Variants in TUBA4A observed in about 807,000 individuals in gnomAD.
The protein encoded by TUBA4A is tubulin alpha 4a.
A neutral mutation model predicts 34.3 loss-of-function variants in TUBA4A; 23 were observed. The ratio of observed to expected loss-of-function variants is 0.67; its 90% CI spans 0.48 to 0.95. The LOEUF (loss-of-function observed/expected upper bound fraction) is 0.95, where lower values mean the gene tolerates loss of function less well. TUBA4A is among the 40% of genes least tolerant of loss of function. TUBA4A has a pLI of 0.00. For missense variants in TUBA4A, 279 were observed against 599.0 expected (o/e 0.47, Z 5.58); for synonymous variants, 216 against 230.5 (o/e 0.94, Z 0.57).
Position 219,252,343 on chromosome 2 carries a change from G to T in TUBA4A, c.4-113C>A. Reference sequence around the variant, plus strand: ...AGCTAGGATGACTCAGTTGGCAAGAGTGGAGGGTTGGGGCTGGGCAGAGGT... The same window carrying T: ...AGCTAGGATGACTCAGTTGGCAAGATTGGAGGGTTGGGGCTGGGCAGAGGT... On this transcript the variant is annotated intron_variant, in intron 1 of 3. Transcript: ENST00000248437. This position sits in a 1 kb window ranked among gnomAD's most constrained non-coding sequence, Gnocchi z 4.1. The T allele has an allele frequency of 1.9e-6, 2 of 1,067,672 alleles. No homozygotes were observed. Among genetic ancestry groups the T allele is most frequent in the Non-Finnish European group, 2.7e-6 (2 of 733,146 alleles). The allele number at this position is 1,067,672 out of a possible 1,614,324, so 66.1% of individuals were successfully genotyped here. A position where few individuals can be genotyped will look rare whatever the true frequency, so the allele number is the denominator to read the frequency against.
rs945158333 is a variant in TUBA4A, at chr2:219,253,357, G to GGC, written c.3+498_3+499insGC. ...TCAGACGCGGGGTGCTGAGTCACGG[G>GGC]GGGGGGGTGGTTCTGTGGATAGTTG... On this transcript the variant is annotated intron_variant, in intron 1 of 3. Transcript: ENST00000248437. 56 of 1,515,662 alleles carry GGC rather than the reference G, an allele frequency of 3.7e-5. No individual in the cohort carries two copies. The Admixed American group carries it at 3.9e-4, about 11-fold the overall frequency. The allele number at this position is 1,515,662 out of a possible 1,614,324, so 93.9% of individuals were successfully genotyped here.
chr2:219,252,983 G>T lies in TUBA4A; in HGVS notation c.4-753C>A. 2 of 534,422 alleles carry T rather than the reference G, an allele frequency of 3.7e-6. No homozygotes were observed. Among genetic ancestry groups the T allele is most frequent in the Non-Finnish European group, 3.6e-6 (1 of 280,266 alleles). 33.1% of individuals were successfully genotyped at this position (534,422 alleles called of 1,614,324 possible). On this transcript the variant is annotated intron_variant, in intron 1 of 3. Transcript: ENST00000248437. The surrounding 1 kb of genome is among the most constrained non-coding windows in gnomAD (Gnocchi z 4.1). ...TCCCACACCGAAATGGCGGGGTGAC[G>T]GTTTCCAAATACCCAGAAAGGAAGT...
chr2:219,253,153 C>G, intron 1 of TUBA4A: 1 of 1,523,546 alleles, frequency 6.6e-7, no homozygotes, highest in Non-Finnish European at 8.9e-7. Flanking sequence ...TTTCGGCCCC[C>G]GCTCCTGGGC....
At chr2:219,253,501 C>T in intron 1 of TUBA4A, 1 of 1,158,120 alleles carries the variant, frequency 8.6e-7, no homozygotes, top group Non-Finnish European at 1.2e-6. Flanking sequence ...TGTAAGAGGG[C>T]AGCCAAACCC....
chr2:219,251,343 A>C lies in TUBA4A; in HGVS notation c.376-20T>G. The C allele has an allele frequency of 6.3e-7, 1 of 1,584,486 alleles. No homozygotes were observed. Among genetic ancestry groups the C allele is most frequent in the Non-Finnish European group, 8.6e-7 (1 of 1,163,434 alleles). ...GTCAGACTGAAAGGCAAGAACGAGA[A>C]AGAACAGTTTAGGTAGGGGAGGGGC... On this transcript the variant is annotated intron_variant, in intron 3 of 3. Coordinates refer to ENST00000248437, the MANE Select transcript of TUBA4A (RefSeq NM_006000.3). The surrounding 1 kb of genome is among the most constrained non-coding windows in gnomAD (Gnocchi z 6.1).
chr2:219,251,669 G>T lies in TUBA4A; in HGVS notation c.271C>A (p.Gln91Lys), dbSNP rs1176279500. 3.1e-6 allele frequency: 5 copies of T among 1,614,136 alleles called. No individual in the cohort carries two copies. Among genetic ancestry groups the T allele is most frequent in the Non-Finnish European group, 4.2e-6 (5 of 1,179,988 alleles). Residue 91 changes from glutamine (Q) to lysine (K), a missense_variant, in exon 3 of 4, where the codon CAG (glutamine) becomes AAG (lysine). By Grantham distance (53) the Gln-to-Lys change is moderately conservative. Transcript: ENST00000248437. The surrounding 1 kb of genome is among the most constrained non-coding windows in gnomAD (Gnocchi z 6.1). ...GPYRQLFHPE[Q>K]LITGKEDAAN... is the part of the protein sequence containing the mutation. ...GCATCCTCTTTCCCAGTGATGAGCTGCTCTGGGTGGAAGAGCTGTCGGTAT... is the reference window on the plus strand; with the variant it reads ...GCATCCTCTTTCCCAGTGATGAGCTTCTCTGGGTGGAAGAGCTGTCGGTAT...
In TUBA4A at chr2:219,250,151, C is replaced by T; in HGVS notation, c.*201G>A. On this transcript the variant is annotated 3_prime_UTR_variant, in exon 4 of 4. Transcript: ENST00000248437. The surrounding 1 kb of genome is among the most constrained non-coding windows in gnomAD (Gnocchi z 8.4). ...AGTCCCTGGGGTTATGCTTCCTGGG[C>T]CTGGCAAGAACCCCTTTGCAGGTCT... 1.3e-6 allele frequency: 1 copy of T among 764,034 alleles called. No individual in the cohort carries two copies. Among genetic ancestry groups the T allele is most frequent in the Non-Finnish European group, 2.2e-6 (1 of 465,056 alleles). The allele number at this position is 764,034 out of a possible 1,614,324, so 47.3% of individuals were successfully genotyped here. A position where few individuals can be genotyped will look rare whatever the true frequency, so the allele number is the denominator to read the frequency against.
At position 219,250,112 on chromosome 2, in the gene TUBA4A, G is replaced by T; in HGVS notation, c.*240C>A. On this transcript the variant is annotated 3_prime_UTR_variant, in exon 4 of 4. Coordinates refer to ENST00000248437, the MANE Select transcript of TUBA4A (RefSeq NM_006000.3). The surrounding 1 kb of genome is among the most constrained non-coding windows in gnomAD (Gnocchi z 8.4). Reference sequence around the variant, plus strand: ...TTCCTCCCTATACTGAGTAACCCTAGGACTTCAATTTAAAGTCCCTGGGGT... The same window carrying T: ...TTCCTCCCTATACTGAGTAACCCTATGACTTCAATTTAAAGTCCCTGGGGT... 1.7e-6 allele frequency: 1 copy of T among 594,894 alleles called. No homozygotes were observed. The highest frequency in any genetic ancestry group is 2.9e-6 in the Non-Finnish European group (1 of 339,486). The allele number at this position is 594,894 out of a possible 1,614,324, so 36.9% of individuals were successfully genotyped here. A position where few individuals can be genotyped will look rare whatever the true frequency, so the allele number is the denominator to read the frequency against.
At position 219,252,229 on chromosome 2, in the gene TUBA4A, C is replaced by T; in HGVS notation, c.5G>A (p.Arg2His). ...CCCCACGTGGACTGAGATGCATTCA[C>T]GCTGAGGGATAGAGAGAGGGGACAC... M[R>H]ECISVHVGQA... The change falls in exon 2 of 4, where the codon CGT becomes CAT. Residue 2 changes from arginine to histidine, a missense_variant and splice_region_variant. Physicochemically the swap from Arg to His is conservative, Grantham distance 29 (BLOSUM62 0). This residue lies in a region of TUBA4A where 98 missense variants were observed against 171.1 expected (regional missense o/e 0.57). Transcript: ENST00000248437. This position sits in a 1 kb window ranked among gnomAD's most constrained non-coding sequence, Gnocchi z 4.1. The T allele has an allele frequency of 1.9e-6, 3 of 1,613,274 alleles. No homozygotes were observed. Among genetic ancestry groups the T allele is most frequent in the Non-Finnish European group, 1.7e-6 (2 of 1,179,292 alleles).
At position 219,252,243 on chromosome 2, in the gene TUBA4A, G is replaced by A. The variant is rs1179102115; in HGVS notation, c.4-13C>T. ...AGATGCATTCACGCTGAGGGATAGA[G>A]AGAGGGGACACAGCATGAGCCCCAC... On this transcript the variant is annotated splice_polypyrimidine_tract_variant and intron_variant, in intron 1 of 3. Coordinates refer to ENST00000248437, the MANE Select transcript of TUBA4A (RefSeq NM_006000.3). The surrounding 1 kb of genome is among the most constrained non-coding windows in gnomAD (Gnocchi z 4.1). 6.2e-7 allele frequency: 1 copy of A among 1,607,992 alleles called. No homozygotes were observed. Among genetic ancestry groups the A allele is most frequent in the East Asian group, 2.2e-5 (1 of 44,694 alleles).
In TUBA4A at chr2:219,251,394, A is replaced by G. The variant is rs539970255; in HGVS notation, c.376-71T>C. On this transcript the variant is annotated intron_variant, in intron 3 of 3. Transcript: ENST00000248437. This position sits in a 1 kb window ranked among gnomAD's most constrained non-coding sequence, Gnocchi z 6.1. Reference sequence around the variant, plus strand: ...CTGAGGGACTCTATCACCTGGCTCCATAAAGCGTAAGATACATCAGCAGTC... The same window carrying G: ...CTGAGGGACTCTATCACCTGGCTCCGTAAAGCGTAAGATACATCAGCAGTC... 1.9e-6 allele frequency: 3 copies of G among 1,544,916 alleles called. No homozygotes were observed. In the East Asian group the frequency reaches 6.8e-5, roughly 35 times the overall value.
chr2:219,250,191 G>A lies in TUBA4A; in HGVS notation c.*161C>T. ...TTTGCAGGTCTCACCTTCAGCGATG[G>A]AAGGGATAAGGGTCATGAACAGCAA... On this transcript the variant is annotated 3_prime_UTR_variant, in exon 4 of 4. Coordinates refer to ENST00000248437, the MANE Select transcript of TUBA4A (RefSeq NM_006000.3). The surrounding 1 kb of genome is among the most constrained non-coding windows in gnomAD (Gnocchi z 8.4). 9.3e-7 allele frequency: 1 copy of A among 1,070,024 alleles called. No homozygotes were observed. Among genetic ancestry groups the A allele is most frequent in the East Asian group, 2.4e-5 (1 of 41,804 alleles). The allele number at this position is 1,070,024 out of a possible 1,614,324, so 66.3% of individuals were successfully genotyped here. A position where few individuals can be genotyped will look rare whatever the true frequency, so the allele number is the denominator to read the frequency against.
chr2:219,250,565 C>T lies in TUBA4A; in HGVS notation c.1134G>A (p.Leu378=). ...LAKVQRAVCM[L]SNTTAIAEAW... ...CCTCGGCGATGGCGGTCGTGTTGCTCAGCATGCACACGGCACGCTGCACCT... is the reference window on the plus strand; with the variant it reads ...CCTCGGCGATGGCGGTCGTGTTGCTTAGCATGCACACGGCACGCTGCACCT... The change falls in exon 4 of 4, where the codon CTG becomes CTA. Residue 378 remains leucine (L), a synonymous_variant. Transcript: ENST00000248437. The surrounding 1 kb of genome is among the most constrained non-coding windows in gnomAD (Gnocchi z 8.4). The T allele has an allele frequency of 6.2e-7, 1 of 1,614,242 alleles. No homozygotes were observed. Among genetic ancestry groups the T allele is most frequent in the Non-Finnish European group, 8.5e-7 (1 of 1,180,048 alleles).
At position 219,251,312 on chromosome 2, in the gene TUBA4A, G is replaced by C; in HGVS notation, c.387C>G (p.Cys129Trp). The C allele has an allele frequency of 1.2e-6, 2 of 1,608,260 alleles. No homozygotes were observed. The highest frequency in any genetic ancestry group is 1.7e-6 in the Non-Finnish European group (2 of 1,176,252). Residue 129 changes from cysteine to tryptophan, a missense_variant, in exon 4 of 4, where the codon TGC becomes TGG. By Grantham distance (215) the Cys-to-Trp change is radical (BLOSUM62 -2). Coordinates refer to ENST00000248437, the MANE Select transcript of TUBA4A (RefSeq NM_006000.3). The surrounding 1 kb of genome is among the most constrained non-coding windows in gnomAD (Gnocchi z 6.1). ...LDRIRKLSDQ[C>W]TGLQGFLVFH... is the part of the protein sequence containing the mutation. ...ACACCAGGAAGCCCTGAAGTCCTGT[G>C]CACTGGTCAGACTGAAAGGCAAGAA...
upstream of TUBA4A, chr2:219,254,014 G>A (rs959353151): frequency 5.5e-6 from 4 of 724,630 alleles, no homozygotes; most frequent in Non-Finnish European, 8.2e-6. Flanking sequence ...CGCAGGCCAC[G>A]CCTCCCGGGA....
intron 1 of TUBA4A, chr2:219,253,148 G>A: frequency 1.3e-6 from 2 of 1,518,574 alleles, no homozygotes; most frequent in Non-Finnish European, 1.8e-6. Context: ...TTGGGTTTCG[G>A]CCCCCGCTCC....
At position 219,249,719 on chromosome 2, in the gene TUBA4A, CCTGA is replaced by C. The variant is rs1951612931; in HGVS notation, c.*629_*632del. 6.5e-6 allele frequency: 1 copy of C among 152,754 alleles called. No individual in the cohort carries two copies. Among genetic ancestry groups the C allele is most frequent in the African/African-American group, 2.4e-5 (1 of 41,568 alleles). The allele number at this position is 152,754 out of a possible 1,614,324, so 9.5% of individuals were successfully genotyped here. On this transcript the variant is annotated 3_prime_UTR_variant, in exon 4 of 4. Transcript: ENST00000248437. ...GAAATCACAAACAGAGGGGAGATGA[CCTGA>C]CTTTTAATGGCACAGCCCCAGCTCC...
intron 1 of TUBA4A, 81 bp downstream of exon 1, chr2:219,253,775 C>T: frequency 6.6e-7 from 1 of 1,505,392 alleles, no homozygotes; most frequent in Non-Finnish European, 9.0e-7. Flanking sequence ...GTGGAGGTCC[C>T]CGAGCATGCC....
At chr2:219,253,342 G>T in intron 1 of TUBA4A, 1 of 1,533,490 alleles carries the variant, frequency 6.5e-7, no homozygotes, top group Non-Finnish European at 8.7e-7. Flanking sequence ...TCAGACGCGG[G>T]GTGCTGAGTC....
Sources: gnomAD v4.1 joint callset for allele counts on GRCh38, gnomAD v4.1.1 for gene constraint, gnomAD v4.1.1 regional missense constraint, Gnocchi (gnomAD v3.1) non-coding constraint, MANE v1.5 for transcripts, NCBI Gene and HGNC (gene_info 2026-07-23, HGNC 2026-07-21) for gene names.